The following RBPMS2 variants were observed in gnomAD, a reference collection of about 807,000 sequenced individuals.
The protein encoded by RBPMS2 is RNA-binding protein with multiple splicing 2.
In RBPMS2, 14 loss-of-function variants were observed where a neutral mutation model predicts 25.7. The ratio of observed to expected loss-of-function variants is 0.55; its 90% CI spans 0.36 to 0.85. The LOEUF (loss-of-function observed/expected upper bound fraction) is 0.85, where lower values mean the gene tolerates loss of function less well. RBPMS2 is among the 40% of genes least tolerant of loss of function. The pLI is 0.01. For missense variants in RBPMS2, 252 were observed against 283.4 expected (o/e 0.89, Z 0.80); for synonymous variants, 127 against 115.6 (o/e 1.10, Z -0.63).
chr15:64,751,487 C>T (rs1013065162), intron 2 of RBPMS2, 74 bp downstream of exon 2: 36 of 1,329,460 alleles, frequency 2.7e-5, no homozygotes, highest in African/African-American at 5.8e-5. Flanking sequence ...CTGCCCTGCC[C>T]GACCCGAGAT....
At chr15:64,762,293 A>G (rs1485839214) in intron 1 of RBPMS2, 1 of 479,996 alleles carries the variant, frequency 2.1e-6, no homozygotes, top group African/African-American at 2.0e-5. Context: ...TGACTGACAG[A>G]CTGTCAACTC....
chr15:64,747,827 T>C (rs566669380), intron 6 of RBPMS2, among the ~76,000 whole-genome samples: 1 of 152,304 alleles, frequency 6.6e-6, no homozygotes, highest in South Asian at 2.1e-4. Flanking sequence ...TCACTCCCTG[T>C]TTCCTGCCCG....
At chr15:64,775,074 G>A (rs541097109) in intron 1 of RBPMS2, among the ~76,000 whole-genome samples, 159 bp downstream of exon 1, 1 of 150,908 alleles carries the variant, frequency 6.6e-6, no homozygotes, top group South Asian at 2.1e-4. Context: ...TCCCGCCCGC[G>A]GACACGGGCC....
chr15:64,757,236 G>C (rs1229614565), intron 1 of RBPMS2, among the ~76,000 whole-genome samples: 1 of 151,872 alleles, frequency 6.6e-6, no homozygotes, highest in Non-Finnish European at 1.5e-5. Context: ...CCTCCCCAAA[G>C]TGGTGGAATT....
chr15:64,741,200 T>C lies in RBPMS2; in HGVS notation c.610A>G (p.Lys204Glu). 6.3e-7 allele frequency: 1 copy of C among 1,589,786 alleles called. No homozygotes were observed. Among genetic ancestry groups the C allele is most frequent in the Admixed American group, 1.8e-5 (1 of 56,232 alleles). Residue 204 changes from lysine (K) to glutamate (E), a missense_variant, in exon 7 of 8, where the codon AAG becomes GAG. Physicochemically the swap from Lys to Glu is moderately conservative, Grantham distance 56. Coordinates refer to ENST00000300069, the MANE Select transcript of RBPMS2 (RefSeq NM_194272.3). ...PSSDTTQQGW[K>E]YRQFC ...AAAAACTAACAGAACTGACGGTACT[T>C]CCATCCTTGCTGGGTGGTGTCAGAG... is the stretch of plus-strand genomic sequence containing the variant.
intron 1 of RBPMS2, among the ~76,000 whole-genome samples, chr15:64,755,551 AG>A (rs1282612308): frequency 6.6e-6 from 1 of 152,140 alleles, no homozygotes; most frequent in African/African-American, 2.4e-5. Context: ...ACGGAGGAGC[AG>A]GGCTCCTGAG....
chr15:64,751,933 A>C (rs2083685638), intron 1 of RBPMS2, among the ~76,000 whole-genome samples: 1 of 151,352 alleles, frequency 6.6e-6, no homozygotes, highest in African/African-American at 2.4e-5. Context: ...CTGTTTGATA[A>C]GGGTACAAAC....
In RBPMS2 at chr15:64,740,906, C is replaced by T. The variant is rs958762612; in HGVS notation, c.*102G>A. ...GGGATTCACAGTCTCTGGAGGGCAGCAGCTCTGTGCAGGCCGCCCGGGGGC... is the reference window on the plus strand; with the variant it reads ...GGGATTCACAGTCTCTGGAGGGCAGTAGCTCTGTGCAGGCCGCCCGGGGGC... On this transcript the variant is annotated 3_prime_UTR_variant, in exon 8 of 8. Transcript: ENST00000300069. 2.6e-6 allele frequency: 1 copy of T among 379,798 alleles called. No homozygotes were observed. Among genetic ancestry groups the T allele is most frequent in the African/African-American group, 2.1e-5 (1 of 48,426 alleles). The allele number at this position is 379,798 out of a possible 1,614,324, so 23.5% of individuals were successfully genotyped here.
At chr15:64,775,209 C>G (rs2083921768) in intron 1 of RBPMS2, 24 bp downstream of exon 1, 2 of 1,210,564 alleles carry the variant, frequency 1.7e-6, no homozygotes, top group South Asian at 3.4e-5. Context: ...CTTCACCCGG[C>G]AAGTCCCGGG....
Position 64,741,213 on chromosome 15 carries a change from G to C in RBPMS2, c.597C>G (p.Thr199=), listed in dbSNP as rs770780040. The change falls in exon 7 of 8, where the codon ACC becomes ACG. Residue 199 remains threonine, a synonymous_variant. Coordinates refer to ENST00000300069, the MANE Select transcript of RBPMS2 (RefSeq NM_194272.3). The part of the protein sequence containing the change: ...QVRWYPSSDT[T]QQGWKYRQFC ...ACTGACGGTACTTCCATCCTTGCTG[G>C]GTGGTGTCAGAGGAAGGGTACCAGC... 3.1e-6 allele frequency: 5 copies of C among 1,592,002 alleles called. No individual in the cohort carries two copies. Among genetic ancestry groups the C allele is most frequent in the Non-Finnish European group, 8.6e-7 (1 of 1,169,238 alleles).
chr15:64,748,935 A>G, intron 5 of RBPMS2, 65 bp downstream of exon 5: 3 of 1,572,106 alleles, frequency 1.9e-6, no homozygotes, highest in South Asian at 1.1e-5. Context: ...TTCCCTCTGC[A>G]AGAGCCTGCA....
chr15:64,744,883 T>G (rs1201372109), intron 6 of RBPMS2, among the ~76,000 whole-genome samples: 2 of 125,614 alleles, frequency 1.6e-5, no homozygotes, highest in East Asian at 2.9e-4. Flanking sequence ...GGCGCGATCT[T>G]GGCTCACTGC....
intron 6 of RBPMS2, 39 bp from the exon 7 acceptor site, chr15:64,741,281 C>T (rs1049238464): frequency 1.3e-6 from 2 of 1,522,636 alleles, no homozygotes; most frequent in Admixed American, 1.9e-5. Flanking sequence ...GCTGTGCATC[C>T]CTTCCCTCAA....
intron 1 of RBPMS2, among the ~76,000 whole-genome samples, chr15:64,764,343 C>T (rs939303807): frequency 3.3e-5 from 5 of 152,210 alleles, no homozygotes; most frequent in African/African-American, 9.6e-5. Flanking sequence ...TCACTGCCAG[C>T]TCCTAAATCA....
intron 1 of RBPMS2, among the ~76,000 whole-genome samples, chr15:64,767,558 A>G (rs1165937141): frequency 1.3e-5 from 2 of 152,222 alleles, no homozygotes; most frequent in Non-Finnish European, 2.9e-5. Flanking sequence ...GGTTCAGAGC[A>G]TGAGAGCCAA....
intron 1 of RBPMS2, among the ~76,000 whole-genome samples, chr15:64,772,771 T>C (rs2083901577): frequency 6.6e-6 from 1 of 150,720 alleles, no homozygotes. Flanking sequence ...CTCATATGCC[T>C]TTATTTTATC....
chr15:64,754,381 G>A (rs2083712240), intron 1 of RBPMS2, among the ~76,000 whole-genome samples: 1 of 152,082 alleles, frequency 6.6e-6, no homozygotes, highest in Non-Finnish European at 1.5e-5. Context: ...AGAGGCCGAG[G>A]TGGGTGGATC....
At chr15:64,767,650 GCCAGCATGTC>G (rs1350789157) in intron 1 of RBPMS2, among the ~76,000 whole-genome samples, 1 of 152,262 alleles carries the variant, frequency 6.6e-6, no homozygotes, top group South Asian at 2.1e-4. Flanking sequence ...GGAGGAGGAA[GCCAGCATGTC>G]CCAGCCTTGA....
chr15:64,742,950 C>T (rs1180266341), intron 6 of RBPMS2, among the ~76,000 whole-genome samples: 1 of 152,212 alleles, frequency 6.6e-6, no homozygotes, highest in East Asian at 1.9e-4. Flanking sequence ...ATTCCAGCCA[C>T]CACATCCCAG....
Sources: allele counts gnomAD v4.1 joint callset (sites outside exome capture counted in the v4.1 genomes callset), GRCh38; gene constraint gnomAD v4.1.1; transcripts MANE v1.5; gene names NCBI Gene and HGNC (gene_info 2026-07-23, HGNC 2026-07-21).